The following RANBP2 variants were observed in gnomAD, a reference collection of about 807,000 sequenced individuals.
The protein encoded by RANBP2 is RAN binding protein 2.
In RANBP2, 57 loss-of-function variants were observed where a neutral mutation model predicts 303.6. The observed-to-expected ratio is 0.19, with a 90% CI of 0.15 to 0.23. The LOEUF is 0.23. Among genes scored for constraint, RANBP2 ranks in the 10% least tolerant of loss-of-function variants. The pLI, the probability that RANBP2 is intolerant of heterozygous loss-of-function variation, is 1.00. For synonymous variants in RANBP2, 1,167 were observed against 1,301.5 expected, an observed-to-expected ratio of 0.90 and a Z score of 2.23; for missense variants, 3,138 against 3,780.8, an observed-to-expected ratio of 0.83 and a Z score of 4.46.
At chr2:109,078,695 C>A in the RANBP2 span, among the ~76,000 whole-genome samples, 1 of 150,298 alleles carries the variant, frequency 6.7e-6, no homozygotes, top group African/African-American at 2.4e-5. Context: ...AAAAGGTGAC[C>A]ATGTGGGCCG....
chr2:108,787,784 T>A (rs1679153384), downstream of RANBP2, among the ~76,000 whole-genome samples: 1 of 152,096 alleles, frequency 6.6e-6, no homozygotes, highest in South Asian at 2.1e-4. Flanking sequence ...TAGATGCTTC[T>A]TCGTTAGATT....
intron 15 of RANBP2, 138 bp downstream of exon 15, chr2:108,754,109 T>C: frequency 6.3e-7 from 1 of 1,590,548 alleles, no homozygotes; most frequent in East Asian, 2.2e-5. Flanking sequence ...TATGTGTGTC[T>C]AAATGCTTAT....
chr2:109,326,543 G>A, the RANBP2 span, among the ~76,000 whole-genome samples: 3 of 152,130 alleles, frequency 2.0e-5, no homozygotes, highest in Non-Finnish European at 4.4e-5. Context: ...CCAATCTGGT[G>A]GGTGTGAAAT....
chr2:109,191,828 G>A, the RANBP2 span, among the ~76,000 whole-genome samples: 1 of 152,150 alleles, frequency 6.6e-6, no homozygotes, highest in Admixed American at 6.5e-5. Context: ...CCTCTTCTTT[G>A]TGGTTATAAA....
At chr2:108,812,742 A>G in the RANBP2 span, 8 of 1,607,206 alleles carry the variant, frequency 5.0e-6, no homozygotes, top group South Asian at 6.6e-5. Context: ...AGACAGAAGT[A>G]TGTTTTTAGA....
At chr2:109,683,365 T>C in the RANBP2 span, among the ~76,000 whole-genome samples, 3 of 152,220 alleles carry the variant, frequency 2.0e-5, no homozygotes, top group Non-Finnish European at 2.9e-5. Context: ...ACTGTGATTC[T>C]GCGGTGTGCA....
the RANBP2 span, among the ~76,000 whole-genome samples, chr2:108,957,803 C>T: frequency 6.6e-6 from 1 of 152,194 alleles, no homozygotes; most frequent in Non-Finnish European, 1.5e-5. Flanking sequence ...CCTTTTGCTC[C>T]TCTAATTGAT....
the RANBP2 span, among the ~76,000 whole-genome samples, chr2:109,423,631 G>A: frequency 2.6e-5 from 4 of 152,272 alleles, no homozygotes; most frequent in East Asian, 5.8e-4. Context: ...TGGAACGAAG[G>A]CCTGGATCAG....
chr2:109,375,454 G>A, the RANBP2 span, among the ~76,000 whole-genome samples: 11 of 152,292 alleles, frequency 7.2e-5, no homozygotes, highest in African/African-American at 2.2e-4. Context: ...AGAGAGGAGT[G>A]GGCCTGGCCT....
chr2:109,712,061 C>T, the RANBP2 span, among the ~76,000 whole-genome samples: 1 of 152,186 alleles, frequency 6.6e-6, no homozygotes, highest in African/African-American at 2.4e-5. Flanking sequence ...TTTGCAACAC[C>T]ACGCTCCATT....
the RANBP2 span, chr2:109,737,215 A>G: frequency 3.7e-6 from 3 of 804,014 alleles, no homozygotes; most frequent in African/African-American, 3.5e-5. Flanking sequence ...GCTGTTAGCA[A>G]CTATGCACAA....
the RANBP2 span, among the ~76,000 whole-genome samples, chr2:109,688,291 G>T: frequency 6.6e-6 from 1 of 152,186 alleles, no homozygotes; most frequent in Non-Finnish European, 1.5e-5. Context: ...CCTGGGACAA[G>T]CTGCTGTATA....
chr2:109,372,084 A>G, the RANBP2 span, among the ~76,000 whole-genome samples: 2 of 152,128 alleles, frequency 1.3e-5, no homozygotes, highest in Non-Finnish European at 2.9e-5. Context: ...TTCCCTTCCC[A>G]CTGCACACGG....
the RANBP2 span, among the ~76,000 whole-genome samples, chr2:108,965,522 G>T: frequency 2.0e-5 from 3 of 152,132 alleles, no homozygotes; most frequent in African/African-American, 7.2e-5. Flanking sequence ...GGTCTTTTGG[G>T]GAGAGAAAAA....
chr2:109,486,824 T>A, the RANBP2 span, among the ~76,000 whole-genome samples: 1 of 152,174 alleles, frequency 6.6e-6, no homozygotes, highest in South Asian at 2.1e-4. Context: ...AGCCCATCAC[T>A]TCCATGGAGG....
At chr2:109,735,734 A>T in the RANBP2 span, among the ~76,000 whole-genome samples, 1 of 152,326 alleles carries the variant, frequency 6.6e-6, no homozygotes, top group East Asian at 1.9e-4. Context: ...ACAAACAAGT[A>T]AATTTTGTAA....
At chr2:109,313,078 A>G in the RANBP2 span, among the ~76,000 whole-genome samples, 1 of 152,122 alleles carries the variant, frequency 6.6e-6, no homozygotes, top group Non-Finnish European at 1.5e-5. Flanking sequence ...CAATCCACAT[A>G]CTTCAGAGGC....
chr2:108,865,291 T>C, the RANBP2 span, among the ~76,000 whole-genome samples: 1 of 152,202 alleles, frequency 6.6e-6, no homozygotes, highest in Non-Finnish European at 1.5e-5. Context: ...TAAACAGTGC[T>C]TCTGTGAATA....
the RANBP2 span, among the ~76,000 whole-genome samples, chr2:109,428,457 G>A: frequency 1.3e-5 from 2 of 152,194 alleles, no homozygotes; most frequent in South Asian, 2.1e-4. Context: ...TGGGTCAGCC[G>A]AGTCGGCCCA....
Sources: allele counts gnomAD v4.1 joint callset (sites outside exome capture counted in the v4.1 genomes callset), GRCh38; gene constraint gnomAD v4.1.1; transcripts MANE v1.5; gene names NCBI Gene and HGNC (gene_info 2026-07-23, HGNC 2026-07-21).